The following OR6K3 variants were observed in gnomAD, a reference collection of about 807,000 sequenced individuals.
The protein encoded by OR6K3 is olfactory receptor family 6 subfamily K member 3, also known as olfactory receptor 6K3.
For synonymous variants in OR6K3, 169 were observed against 137.7 expected, an observed-to-expected ratio of 1.23 and a Z score of -1.59; for missense variants, 396 against 382.5, an observed-to-expected ratio of 1.04 and a Z score of -0.29.
Position 158,717,301 on chromosome 1 carries a change from G to C in OR6K3, c.815C>G (p.Ala272Gly). Residue 272 changes from alanine (A) to glycine (G), a missense_variant, in exon 2 of 2, where the codon GCC (alanine) becomes GGC (glycine). Coordinates refer to ENST00000368145, the MANE Select transcript of OR6K3 (RefSeq NM_001005327.3). ...AAGTACAGTAAACATCAGTGCAATG[G>C]CTGTGTCCAAAACTGGTGGATAAGT... Reference protein sequence around the residue: ...SDTYPPVLDTAIALMFTVLAP... With the variant: ...SDTYPPVLDTGIALMFTVLAP... The C allele has an allele frequency of 6.2e-7, 1 of 1,613,614 alleles. No individual in the cohort carries two copies. The highest frequency in any genetic ancestry group is 1.1e-5 in the South Asian group (1 of 91,074).
chr1:158,724,842 G>A (rs1656353640), upstream of OR6K3: 2 of 218,668 alleles, frequency 9.1e-6, no homozygotes, highest in Admixed American at 4.1e-5. Context: ...TGGCAGTTGT[G>A]TACCAGATCT....
intron 1 of OR6K3, among the ~76,000 whole-genome samples, chr1:158,719,872 A>G (rs1455009743): frequency 2.6e-5 from 4 of 152,158 alleles, no homozygotes; most frequent in Admixed American, 6.6e-5. Flanking sequence ...TTCCAAGCAC[A>G]TTGTATATAT....
chr1:158,724,779 C>A, upstream of OR6K3: 1 of 221,328 alleles, frequency 4.5e-6, no homozygotes, highest in South Asian at 8.0e-5. Flanking sequence ...GGCAGCCAAC[C>A]ATGGAGATGG....
Position 158,718,126 on chromosome 1 carries a change from G to A in OR6K3, c.-11C>T, listed in dbSNP as rs1403802417. 6.4e-7 allele frequency: 1 copy of A among 1,551,196 alleles called. No homozygotes were observed. The highest frequency in any genetic ancestry group is 1.4e-5 in the African/African-American group (1 of 73,076). On this transcript the variant is annotated 5_prime_UTR_variant, in exon 2 of 2. Transcript: ENST00000368145. ...GTTTCCGCTCTCCATATTTCTAGTAGAGCTACCTGTAAATGGAGAGGGCAT... is the reference window on the plus strand; with the variant it reads ...GTTTCCGCTCTCCATATTTCTAGTAAAGCTACCTGTAAATGGAGAGGGCAT...
chr1:158,724,216 G>C (rs750900800), upstream of OR6K3: 2 of 155,354 alleles, frequency 1.3e-5, no homozygotes, highest in Non-Finnish European at 2.9e-5. Context: ...GTTGAAAAAG[G>C]GAGCAAGAAC....
Position 158,717,384 on chromosome 1 carries a change from G to A in OR6K3, c.732C>T (p.Leu244=). The A allele has an allele frequency of 6.2e-7, 1 of 1,613,700 alleles. No homozygotes were observed. The highest frequency in any genetic ancestry group is 8.5e-7 in the Non-Finnish European group (1 of 1,179,762). Residue 244 remains leucine, a synonymous_variant, in exon 2 of 2, where the codon CTC becomes CTT. Coordinates refer to ENST00000368145, the MANE Select transcript of OR6K3 (RefSeq NM_001005327.3). The part of the protein sequence containing the change: ...QKAFSTCAGH[L]MVFPIFFGSV... The stretch of plus-strand genomic sequence containing the variant: ...TGCCAAAGAATATCGGGAAGACCAT[G>A]AGGTGGCCTGCACAGGTAGAAAAAG...
At chr1:158,724,007 T>A (rs1656334010), upstream of OR6K3, 1 of 152,084 alleles carries the variant, frequency 6.6e-6, no homozygotes, top group Non-Finnish European at 1.5e-5. Flanking sequence ...AGAACCAGTA[T>A]AAAGAGACAC....
Position 158,717,401 on chromosome 1 carries a change from T to G in OR6K3, c.715A>C (p.Thr239Pro), listed in dbSNP as rs1269354188. The change falls in exon 2 of 2, where the codon ACC becomes CCC. Residue 239 changes from threonine to proline, a missense_variant. By Grantham distance (38) the Thr-to-Pro change is conservative. Transcript: ENST00000368145. The part of the protein sequence containing the change: ...SSEGRQKAFS[T>P]CAGHLMVFPI... ...AAGACCATGAGGTGGCCTGCACAGG[T>G]AGAAAAAGCCTTTTGCCTCCCTTCA... The G allele has an allele frequency of 1.2e-6, 2 of 1,613,494 alleles. No individual in the cohort carries two copies. Among genetic ancestry groups the G allele is most frequent in the Admixed American group, 3.3e-5 (2 of 59,906 alleles).
upstream of OR6K3, among the ~76,000 whole-genome samples, chr1:158,723,421 C>T (rs572015582): frequency 1.2e-4 from 18 of 152,002 alleles, no homozygotes; most frequent in South Asian, 3.3e-3. Context: ...GCTAAGTATT[C>T]CTAAGCATGA....
In OR6K3 at chr1:158,720,668, G is replaced by C. The variant is rs1312810953; in HGVS notation, c.-18+15C>G. The C allele has an allele frequency of 6.6e-6, 1 of 151,938 alleles. No individual in the cohort carries two copies. Among genetic ancestry groups the C allele is most frequent in the Non-Finnish European group, 1.5e-5 (1 of 67,958 alleles). The allele number at this position is 151,938 out of a possible 1,614,324, so 9.4% of individuals were successfully genotyped here. A position where few individuals can be genotyped will look rare whatever the true frequency, so the allele number is the denominator to read the frequency against. On this transcript the variant is annotated intron_variant, in intron 1 of 1. Coordinates refer to ENST00000368145, the MANE Select transcript of OR6K3 (RefSeq NM_001005327.3). Reference sequence around the variant, plus strand: ...ATGAATTCGGTCTCTTTATGACTTAGTCATCTACACTCACCTTTGCCAAAA... The same window carrying C: ...ATGAATTCGGTCTCTTTATGACTTACTCATCTACACTCACCTTTGCCAAAA...
At chr1:158,718,988 G>A (rs1447141384) in intron 1 of OR6K3, among the ~76,000 whole-genome samples, 3 of 151,954 alleles carry the variant, frequency 2.0e-5, no homozygotes, top group Non-Finnish European at 4.4e-5. Flanking sequence ...TTCCTCCCGA[G>A]CATTATGCTG....
rs1656175558 is a variant in OR6K3 at position 158,717,387 on chromosome 1, G to A, written c.729C>T (p.His243=). 1 of 1,613,594 alleles carries A rather than the reference G, an allele frequency of 6.2e-7. No homozygotes were observed. Among genetic ancestry groups the A allele is most frequent in the Admixed American group, 1.7e-5 (1 of 59,932 alleles). The change falls in exon 2 of 2, where the codon CAC becomes CAT. Residue 243 remains histidine, a synonymous_variant. Transcript: ENST00000368145. ...RQKAFSTCAG[H]LMVFPIFFGS... ...CAAAGAATATCGGGAAGACCATGAG[G>A]TGGCCTGCACAGGTAGAAAAAGCCT... is the stretch of plus-strand genomic sequence containing the variant.
rs1656188150 is a variant in OR6K3 at position 158,717,702 on chromosome 1, G to A, written c.414C>T (p.Pro138=). The A allele has an allele frequency of 1.9e-6, 3 of 1,613,812 alleles. No homozygotes were observed. The highest frequency in any genetic ancestry group is 2.5e-6 in the Non-Finnish European group (3 of 1,179,846). Residue 138 remains proline (P), a synonymous_variant, in exon 2 of 2, where the codon CCC becomes CCT. Coordinates refer to ENST00000368145, the MANE Select transcript of OR6K3 (RefSeq NM_001005327.3). ...NPLRYQMIMT[P]RLCAQLSAGS... ...CTGCAGAGAGTTGAGCACAGAGCCG[G>A]GGGGTCATGATCATTTGATAGCGAA...
Position 158,717,768 on chromosome 1 carries a change from G to A in OR6K3, c.348C>T (p.Thr116=), listed in dbSNP as rs945725775. 6.2e-7 allele frequency: 1 copy of A among 1,613,820 alleles called. No individual in the cohort carries two copies. Among genetic ancestry groups the A allele is most frequent in the Non-Finnish European group, 8.5e-7 (1 of 1,179,818 alleles). The change falls in exon 2 of 2, where the codon ACC becomes ACT. Residue 116 remains threonine, a synonymous_variant. Transcript: ENST00000368145. ...SLENSEGILL[T]TMAIDRYVAI... is the part of the protein sequence containing the mutation. ...CAACGTATCTGTCAATGGCCATGGT[G>A]GTCAGCAAGATCCCCTCTGAGTTTT...
rs143760387 is a variant in OR6K3 at position 158,717,366 on chromosome 1, G to A, written c.750C>T (p.Phe250=). The change falls in exon 2 of 2, where the codon TTC becomes TTT. Residue 250 remains phenylalanine (F), a synonymous_variant. Coordinates refer to ENST00000368145, the MANE Select transcript of OR6K3 (RefSeq NM_001005327.3). ...AGTACATGAGTGATACACTGCCAAA[G>A]AATATCGGGAAGACCATGAGGTGGC... is the stretch of plus-strand genomic sequence containing the variant. ...CAGHLMVFPI[F]FGSVSLMYLR... 4,668 of 1,613,742 alleles carry A rather than the reference G, an allele frequency of 2.9e-3. 118 individuals carry two copies. The African/African-American group carries it at 0.053, about 18-fold the overall frequency.
At chr1:158,724,719 CA>C, upstream of OR6K3, 1 of 225,354 alleles carries the variant, frequency 4.4e-6, no homozygotes. Flanking sequence ...TGGTGGTCAA[CA>C]AAATCCCCTC....
intron 1 of OR6K3, among the ~76,000 whole-genome samples, chr1:158,718,507 A>C (rs1378185479): frequency 6.6e-6 from 1 of 151,524 alleles, no homozygotes; most frequent in African/African-American, 2.4e-5. Flanking sequence ...TTTTAGCTTA[A>C]TCTCTAATAT....
chr1:158,719,050 A>C (rs1201192632), intron 1 of OR6K3, among the ~76,000 whole-genome samples: 3 of 151,978 alleles, frequency 2.0e-5, no homozygotes, highest in South Asian at 2.1e-4. Context: ...AATGGAAACT[A>C]TCCAGTCATC....
chr1:158,720,631 T>TG (rs1656263117), intron 1 of OR6K3, 52 bp downstream of exon 1: 1 of 144,496 alleles, frequency 6.9e-6, no homozygotes, highest in Admixed American at 7.1e-5. Flanking sequence ...TGATGATGAT[T>TG]ATGCATGGTG....
Sources: allele counts gnomAD v4.1 joint callset (sites outside exome capture counted in the v4.1 genomes callset), GRCh38; gene constraint gnomAD v4.1.1; transcripts MANE v1.5; gene names NCBI Gene and HGNC (gene_info 2026-07-23, HGNC 2026-07-21).